SOCS2: variants seen among roughly 807,000 people sequenced by gnomAD.
The protein encoded by SOCS2 is suppressor of cytokine signaling 2, also known as CIS-2.
Under a neutral mutation model 18.6 loss-of-function variants are expected in SOCS2, and 10 were observed. That is an observed-to-expected ratio of 0.54 (90% CI 0.33 to 0.91). The LOEUF (loss-of-function observed/expected upper bound fraction) is 0.91, where lower values mean the gene tolerates loss of function less well. SOCS2 is among the 40% of genes least tolerant of loss of function. The pLI is 0.02. For synonymous variants in SOCS2, 104 were observed against 104.0 expected, an observed-to-expected ratio of 1.00 and a Z score of 0.00; for missense variants, 231 against 247.2, an observed-to-expected ratio of 0.93 and a Z score of 0.44.
downstream of SOCS2, among the ~76,000 whole-genome samples, chr12:93,585,881 C>A (rs1201805513): frequency 6.6e-6 from 1 of 152,090 alleles, no homozygotes; most frequent in Non-Finnish European, 1.5e-5. Context: ...TTATATGAAA[C>A]GGTATAGTAT....
At chr12:93,624,396 C>A in the SOCS2 span, among the ~76,000 whole-genome samples, 3 of 152,102 alleles carry the variant, frequency 2.0e-5, no homozygotes, top group African/African-American at 7.2e-5. Flanking sequence ...CATGGTGAAA[C>A]CTTGTCTCTA....
At chr12:93,578,453 T>C (rs1954495637), downstream of SOCS2, among the ~76,000 whole-genome samples, 1 of 152,212 alleles carries the variant, frequency 6.6e-6, no homozygotes. Flanking sequence ...GCTGTGGTTA[T>C]GTCTAACAGC....
chr12:93,607,415 A>G, the SOCS2 span, among the ~76,000 whole-genome samples: 1 of 152,226 alleles, frequency 6.6e-6, no homozygotes, highest in Non-Finnish European at 1.5e-5. Flanking sequence ...AAACTTAAAA[A>G]GGGAACCTGG....
chr12:93,570,550 C>T (rs1411737380), upstream of SOCS2: 2 of 152,810 alleles, frequency 1.3e-5, no homozygotes, highest in Non-Finnish European at 2.9e-5. Flanking sequence ...AAAGTGCGGC[C>T]AGGAGGGTCG....
At chr12:93,598,980 T>C in the SOCS2 span, among the ~76,000 whole-genome samples, 1 of 152,206 alleles carries the variant, frequency 6.6e-6, no homozygotes, top group Non-Finnish European at 1.5e-5. Flanking sequence ...AGAATTTCCA[T>C]TTCCTCACCT....
the SOCS2 span, among the ~76,000 whole-genome samples, chr12:93,615,724 T>C: frequency 6.6e-6 from 1 of 152,230 alleles, no homozygotes; most frequent in Non-Finnish European, 1.5e-5. Context: ...ACCTCTGAAG[T>C]AGCTGGAATT....
the SOCS2 span, among the ~76,000 whole-genome samples, chr12:93,611,148 G>A: frequency 6.6e-6 from 1 of 152,046 alleles, no homozygotes; most frequent in Non-Finnish European, 1.5e-5. Flanking sequence ...GATCTGCAGT[G>A]GACACATAGA....
the SOCS2 span, among the ~76,000 whole-genome samples, chr12:93,594,502 C>T: frequency 6.6e-6 from 1 of 152,120 alleles, no homozygotes; most frequent in South Asian, 2.1e-4. Context: ...TATTCTTTCT[C>T]AAATGTGTCA....
the SOCS2 span, among the ~76,000 whole-genome samples, chr12:93,616,255 A>G: frequency 6.6e-6 from 1 of 152,218 alleles, no homozygotes; most frequent in African/African-American, 2.4e-5. Context: ...GGTTGCTGAG[A>G]GGATGAGATT....
At chr12:93,570,819 C>G (rs917536189), upstream of SOCS2, among the ~76,000 whole-genome samples, 2 of 152,216 alleles carry the variant, frequency 1.3e-5, no homozygotes, top group Non-Finnish European at 2.9e-5. Context: ...CGCTCTCACC[C>G]GGTCTTCCCT....
chr12:93,611,680 A>C, the SOCS2 span, among the ~76,000 whole-genome samples: 5 of 152,184 alleles, frequency 3.3e-5, no homozygotes, highest in African/African-American at 1.2e-4. Flanking sequence ...CAGCCCCAGG[A>C]GTCATATTTT....
the SOCS2 span, among the ~76,000 whole-genome samples, chr12:93,600,133 C>A: frequency 3.3e-5 from 5 of 151,568 alleles, no homozygotes; most frequent in Admixed American, 6.6e-5. Context: ...GTTGAATTCA[C>A]CTGAAAAAAA....
the SOCS2 span, among the ~76,000 whole-genome samples, chr12:93,614,910 G>A: frequency 2.0e-5 from 3 of 150,900 alleles, no homozygotes; most frequent in Non-Finnish European, 2.9e-5. Context: ...CACAGCGCCC[G>A]GCGCCTTGTA....
intron 1 of SOCS2, 124 bp from the exon 2 acceptor site, chr12:93,574,595 ACAC>A (rs1305376882): frequency 9.6e-6 from 6 of 622,154 alleles, no homozygotes; most frequent in Non-Finnish European, 1.5e-5. Context: ...TTTCGCTCAC[ACAC>A]CACCTTTTTT....
At chr12:93,610,719 C>T in the SOCS2 span, among the ~76,000 whole-genome samples, 6 of 152,036 alleles carry the variant, frequency 3.9e-5, no homozygotes, top group Admixed American at 2.6e-4. Context: ...AGTGTTCATC[C>T]GTTTTCTGCC....
At chr12:93,584,273 C>T (rs1374024701), downstream of SOCS2, among the ~76,000 whole-genome samples, 4 of 151,716 alleles carry the variant, frequency 2.6e-5, no homozygotes, top group East Asian at 7.7e-4. Context: ...GGAAATTAGG[C>T]TGTTACCTCT....
the SOCS2 span, among the ~76,000 whole-genome samples, chr12:93,623,097 C>T: frequency 5.3e-5 from 8 of 152,274 alleles, no homozygotes; most frequent in South Asian, 2.1e-4. Flanking sequence ...AGTCTCATCT[C>T]GAATTGTAAC....
chr12:93,585,911 A>C (rs1954582131), downstream of SOCS2, among the ~76,000 whole-genome samples: 1 of 152,216 alleles, frequency 6.6e-6, no homozygotes, highest in Non-Finnish European at 1.5e-5. Flanking sequence ...ACCGGCATAC[A>C]CCCTCACATA....
chr12:93,578,495 T>G (rs894893902), downstream of SOCS2, among the ~76,000 whole-genome samples: 2 of 152,268 alleles, frequency 1.3e-5, no homozygotes, highest in Admixed American at 1.3e-4. Flanking sequence ...AAGTCGTCCT[T>G]TCTATCCTTT....
Sources: gnomAD v4.1 joint callset for allele counts (sites outside exome capture counted in the v4.1 genomes callset) on GRCh38, gnomAD v4.1.1 for gene constraint, MANE v1.5 for transcripts, NCBI Gene and HGNC (gene_info 2026-07-23, HGNC 2026-07-21) for gene names.